The following GHR variants were observed in gnomAD, a reference collection of about 807,000 sequenced individuals.
The protein encoded by GHR is GH receptor.
GHR carries 35 observed loss-of-function variants against 67.1 expected under a neutral mutation model. That is an observed-to-expected ratio of 0.52 (90% CI 0.40 to 0.69). The LOEUF is 0.69. Among genes scored for constraint, GHR ranks in the 30% least tolerant of loss-of-function variants. The pLI is 0.00. For missense variants in GHR, 792 were observed against 764.6 expected (o/e 1.04, Z -0.42); for synonymous variants, 272 against 269.1 (o/e 1.01, Z -0.10).
At chr5:42,472,161 A>G (rs1025670294) in intron 1 of GHR, among the ~76,000 whole-genome samples, 2 of 152,206 alleles carry the variant, frequency 1.3e-5, no homozygotes, top group Admixed American at 6.5e-5. Context: ...GGGGGTGATT[A>G]TCATAAAATT....
chr5:42,685,776 C>T (rs1160822091), intron 3 of GHR, among the ~76,000 whole-genome samples: 1 of 152,090 alleles, frequency 6.6e-6, no homozygotes, highest in Non-Finnish European at 1.5e-5. Context: ...CCTTTGCCCA[C>T]TTTTTGATGG....
At chr5:42,487,066 G>T (rs1175486079) in intron 1 of GHR, among the ~76,000 whole-genome samples, 3 of 152,152 alleles carry the variant, frequency 2.0e-5, no homozygotes, top group Non-Finnish European at 4.4e-5. Flanking sequence ...AGGTACTCCA[G>T]CATTTTGTAG....
At chr5:42,579,134 G>GAT (rs1561138873) in intron 2 of GHR, among the ~76,000 whole-genome samples, 18 of 58,628 alleles carry the variant, frequency 3.1e-4, no homozygotes, top group Admixed American at 9.1e-4. Flanking sequence ...TAGATAGATA[G>GAT]ATAGATGATA....
At chr5:42,655,744 C>A (rs1160059602) in intron 3 of GHR, among the ~76,000 whole-genome samples, 1 of 151,650 alleles carries the variant, frequency 6.6e-6, no homozygotes, top group Non-Finnish European at 1.5e-5. Context: ...AAATGAGACA[C>A]TGTCTCATTT....
chr5:42,568,003 G>C (rs1347140077), intron 2 of GHR, among the ~76,000 whole-genome samples: 1 of 152,076 alleles, frequency 6.6e-6, no homozygotes, highest in African/African-American at 2.4e-5. Context: ...TAAAAATATA[G>C]ATTAAATTTT....
intron 3 of GHR, among the ~76,000 whole-genome samples, chr5:42,662,634 A>G (rs1445684702): frequency 6.6e-6 from 1 of 152,202 alleles, no homozygotes; most frequent in Non-Finnish European, 1.5e-5. Context: ...ATAGCACTAA[A>G]TGCCCACAAG....
intron 1 of GHR, among the ~76,000 whole-genome samples, chr5:42,463,971 C>A (rs1485466802): frequency 4.4e-4 from 48 of 109,144 alleles, no homozygotes; most frequent in Non-Finnish European, 6.9e-4. Flanking sequence ...CCAGCCTGGG[C>A]GACAGAGCGA....
At chr5:42,549,757 G>T (rs1748919811) in intron 1 of GHR, 2 of 673,916 alleles carry the variant, frequency 3.0e-6, no homozygotes, top group African/African-American at 1.9e-5. Context: ...AAGTACTGGG[G>T]GGTTTGAAAC....
At chr5:42,450,858 T>A (rs1744020262) in intron 1 of GHR, among the ~76,000 whole-genome samples, 1 of 152,204 alleles carries the variant, frequency 6.6e-6, no homozygotes, top group Non-Finnish European at 1.5e-5. Flanking sequence ...AAAGAATTTT[T>A]AATTTTCATC....
chr5:42,718,348 G>T, intron 9 of GHR, 105 bp from the exon 10 acceptor site: 1 of 891,424 alleles, frequency 1.1e-6, no homozygotes, highest in Non-Finnish European at 1.8e-6. Context: ...TTTTGTTACT[G>T]TTGTTCTTAT....
intron 1 of GHR, among the ~76,000 whole-genome samples, chr5:42,461,171 A>G (rs140340896): frequency 2.0e-5 from 3 of 152,322 alleles, no homozygotes; most frequent in East Asian, 1.9e-4. Context: ...AGGAGGACAC[A>G]GCTGCCCCTT....
At chr5:42,699,735 A>G in intron 5 of GHR, 89 bp from the exon 6 acceptor site, 2 of 849,400 alleles carry the variant, frequency 2.4e-6, no homozygotes, top group Middle Eastern at 2.2e-4. Context: ...TCAAAAATGT[A>G]GAAAGTAATT....
At chr5:42,525,020 C>T (rs1424026615) in intron 1 of GHR, among the ~76,000 whole-genome samples, 2 of 152,226 alleles carry the variant, frequency 1.3e-5, no homozygotes, top group Non-Finnish European at 2.9e-5. Context: ...AGAACCTGTG[C>T]TAGGGCAGTG....
intron 2 of GHR, among the ~76,000 whole-genome samples, chr5:42,579,108 TA>T (rs56657023): frequency 0.014 from 1,765 of 128,284 alleles, 48 homozygotes; most frequent in African/African-American, 0.05. Flanking sequence ...GATAGATAGA[TA>T]GATAGATAGA....
intron 1 of GHR, among the ~76,000 whole-genome samples, chr5:42,476,717 A>C (rs1464511695): frequency 6.6e-6 from 1 of 152,198 alleles, no homozygotes; most frequent in East Asian, 1.9e-4. Flanking sequence ...ACAGAAATTC[A>C]AAGGAAAGTT....
At chr5:42,525,593 T>A (rs1332447213) in intron 1 of GHR, among the ~76,000 whole-genome samples, 1 of 152,176 alleles carries the variant, frequency 6.6e-6, no homozygotes, top group Non-Finnish European at 1.5e-5. Flanking sequence ...AAGGCATTAT[T>A]GGTTTTAAAA....
intron 2 of GHR, among the ~76,000 whole-genome samples, chr5:42,570,592 G>T (rs569583204): frequency 2.1e-4 from 32 of 152,166 alleles, no homozygotes; most frequent in Non-Finnish European, 4.0e-4. Context: ...TTGCTATGTT[G>T]TGCAGGCCCC....
At chr5:42,547,107 A>G (rs1346163448) in intron 1 of GHR, among the ~76,000 whole-genome samples, 1 of 152,224 alleles carries the variant, frequency 6.6e-6, no homozygotes, top group Non-Finnish European at 1.5e-5. Context: ...AAAATTCTCA[A>G]ATCTAGTCAT....
chr5:42,607,934 A>G (rs2112661032), intron 2 of GHR, among the ~76,000 whole-genome samples: 1 of 152,328 alleles, frequency 6.6e-6, no homozygotes, highest in African/African-American at 2.4e-5. Flanking sequence ...AAGGAAGCAA[A>G]TACCTTTATT....
Sources: gnomAD v4.1 joint callset for allele counts (sites outside exome capture counted in the v4.1 genomes callset) on GRCh38, gnomAD v4.1.1 for gene constraint, MANE v1.5 for transcripts, NCBI Gene and HGNC (gene_info 2026-07-23, HGNC 2026-07-21) for gene names.